The following PCDH9 variants were observed in gnomAD, a reference collection of about 807,000 sequenced individuals.
PCDH9 encodes protocadherin-9.
PCDH9 carries 24 observed loss-of-function variants against 70.6 expected under a neutral mutation model. The ratio of observed to expected loss-of-function variants is 0.34; its 90% confidence interval spans 0.25 to 0.48. The LOEUF (loss-of-function observed/expected upper bound fraction) is 0.48. Among genes scored for constraint, PCDH9 ranks in the 20% least tolerant of loss-of-function variants. PCDH9 has a pLI of 0.99. For missense variants in PCDH9, 1,281 were observed against 1,503.6 expected, an observed-to-expected ratio of 0.85 and a Z score of 2.45; for synonymous variants, 562 against 558.5, an observed-to-expected ratio of 1.01 and a Z score of -0.09.
intron 3 of PCDH9, among the ~76,000 whole-genome samples, chr13:66,754,740 T>C (rs1226819422): frequency 1.3e-5 from 2 of 152,160 alleles, no homozygotes. Context: ...ATTAAAACTT[T>C]AGTCGTTCCT....
At chr13:66,723,594 G>A (rs1566149267) in intron 3 of PCDH9, among the ~76,000 whole-genome samples, 1 of 152,204 alleles carries the variant, frequency 6.6e-6, no homozygotes, top group Non-Finnish European at 1.5e-5. Flanking sequence ...CTTGGAACCA[G>A]ATGGCCTGAA....
rs572136794 is a variant in PCDH9 at position 66,987,358 on chromosome 13, C to A, written c.3037-83753G>T. 1.3e-4 allele frequency among the ~76,000 whole-genome samples: 20 copies of A among 152,108 alleles called. No homozygotes were observed. In the South Asian group the frequency reaches 4.1e-3, roughly 32 times the overall value. ...TGCCTGTTTATAAACACTCAGAGGA[C>A]CCTGGTGTGATCAGTGGCATCATTA... On this transcript the variant is annotated intron_variant, in intron 2 of 4. Transcript: ENST00000377865.
intron 4 of PCDH9, among the ~76,000 whole-genome samples, chr13:66,364,133 C>T (rs1187259253): frequency 6.6e-6 from 1 of 151,610 alleles, no homozygotes; most frequent in South Asian, 2.1e-4. Flanking sequence ...CCAGCATGAG[C>T]GACAAGAGCA....
chr13:66,907,778 T>A (rs527803085), intron 2 of PCDH9, among the ~76,000 whole-genome samples: 10 of 152,290 alleles, frequency 6.6e-5, no homozygotes, highest in African/African-American at 2.2e-4. Flanking sequence ...GCAGTAGCAA[T>A]GCTTAGTATT....
At chr13:67,163,500 G>A (rs1038470330) in intron 2 of PCDH9, among the ~76,000 whole-genome samples, 1 of 152,092 alleles carries the variant, frequency 6.6e-6, no homozygotes, top group African/African-American at 2.4e-5. Context: ...AGCGCATTTG[G>A]TATAATAAGG....
intron 2 of PCDH9, among the ~76,000 whole-genome samples, chr13:67,155,109 C>A (rs2087777409): frequency 6.6e-6 from 1 of 152,102 alleles, no homozygotes; most frequent in African/African-American, 2.4e-5. Flanking sequence ...CATTCCATCC[C>A]AGCTTACCAA....
chr13:66,507,730 G>GTTTT (rs1191930775), intron 4 of PCDH9, among the ~76,000 whole-genome samples: 1 of 148,120 alleles, frequency 6.8e-6, no homozygotes, highest in East Asian at 1.9e-4. Flanking sequence ...TTGTTTGTTT[G>GTTTT]TTTGTTTTTG....
chr13:66,835,336 C>A (rs1199332401), intron 3 of PCDH9, among the ~76,000 whole-genome samples: 2 of 152,184 alleles, frequency 1.3e-5, no homozygotes, highest in African/African-American at 4.8e-5. Context: ...TGGCAAAGCT[C>A]CAGCTGTTTG....
intron 3 of PCDH9, among the ~76,000 whole-genome samples, chr13:66,655,213 C>T (rs2077912055): frequency 6.6e-6 from 1 of 151,834 alleles, no homozygotes; most frequent in Non-Finnish European, 1.5e-5. Context: ...CCATGAAAAA[C>T]AGTAGTTAAG....
chr13:66,803,835 A>T (rs1441998), intron 3 of PCDH9, among the ~76,000 whole-genome samples: 3 of 152,122 alleles, frequency 2.0e-5, no homozygotes, highest in Non-Finnish European at 4.4e-5. Flanking sequence ...AATGTGTAGC[A>T]TAACTATGCT....
intron 4 of PCDH9, among the ~76,000 whole-genome samples, chr13:66,550,994 A>G (rs1961461208): frequency 6.6e-6 from 1 of 152,218 alleles, no homozygotes; most frequent in African/African-American, 2.4e-5. Context: ...AAAGTAATTC[A>G]TGACATTTTT....
chr13:66,391,785 C>A (rs267310), intron 4 of PCDH9, among the ~76,000 whole-genome samples: 4,001 of 151,410 alleles, frequency 0.026, 170 homozygotes, highest in African/African-American at 0.091. Context: ...ATCCAATATG[C>A]CTTGATACAG....
intron 2 of PCDH9, among the ~76,000 whole-genome samples, chr13:66,963,767 C>A (rs886323268): frequency 6.6e-6 from 1 of 152,114 alleles, no homozygotes; most frequent in East Asian, 1.9e-4. Context: ...TAATAAAAAA[C>A]AAAATTTAAT....
chr13:66,436,869 AT>A (rs1470321226), intron 4 of PCDH9, among the ~76,000 whole-genome samples: 4 of 151,966 alleles, frequency 2.6e-5, no homozygotes, highest in Non-Finnish European at 5.9e-5. Flanking sequence ...TTTTTTATTG[AT>A]TTCTTTATAA....
chr13:66,318,135 A>T (rs997827213), intron 4 of PCDH9, among the ~76,000 whole-genome samples: 5 of 152,154 alleles, frequency 3.3e-5, no homozygotes, highest in African/African-American at 1.2e-4. Context: ...ATGTATGTTT[A>T]TCTCTGAACA....
rs1289654721 is a variant in PCDH9 at position 66,903,354 on chromosome 13, T to G, written c.3138+150A>C. On this transcript the variant is annotated intron_variant, in intron 3 of 4. Transcript: ENST00000377865. ...GATTTTTGTTCTAAAATTATTTACT[T>G]AAAATTATTTTCAAAAACATTAGTA... 2.5e-5 allele frequency: 9 copies of G among 357,514 alleles called. No homozygotes were observed. In the East Asian group the frequency reaches 3.7e-4, roughly 15 times the overall value. 22.1% of individuals were successfully genotyped at this position (357,514 alleles called of 1,614,324 possible). A position where few individuals can be genotyped will look rare whatever the true frequency, so the allele number is the denominator to read the frequency against.
At chr13:66,383,724 A>G (rs1956884576) in intron 4 of PCDH9, among the ~76,000 whole-genome samples, 1 of 152,196 alleles carries the variant, frequency 6.6e-6, no homozygotes. Context: ...ACAATACACT[A>G]TATTAATATC....
intron 3 of PCDH9, among the ~76,000 whole-genome samples, chr13:66,774,776 T>C (rs2079863862): frequency 6.6e-6 from 1 of 152,188 alleles, no homozygotes; most frequent in South Asian, 2.1e-4. Context: ...AATTCTATTG[T>C]GCATAATTAC....
intron 4 of PCDH9, among the ~76,000 whole-genome samples, chr13:66,444,700 A>G (rs1958038462): frequency 6.6e-6 from 1 of 152,106 alleles, no homozygotes; most frequent in African/African-American, 2.4e-5. Context: ...AGCTGGGACT[A>G]TAGGCATGTG....
Sources: allele counts gnomAD v4.1 joint callset (sites outside exome capture counted in the v4.1 genomes callset), GRCh38; gene constraint gnomAD v4.1.1; transcripts MANE v1.5; gene names NCBI Gene and HGNC (gene_info 2026-07-23, HGNC 2026-07-21).